Variants in CHLSN observed in about 807,000 individuals in gnomAD.
The protein encoded by CHLSN is protein cholesin.
the CHLSN span, among the ~76,000 whole-genome samples, chr7:1,038,411 A>G: frequency 6.4e-4 from 36 of 56,280 alleles, 1 homozygote; most frequent in East Asian, 1.4e-3. Flanking sequence ...CCGGCCAGCC[A>G]CCCCGTCCGG....
the CHLSN span, among the ~76,000 whole-genome samples, chr7:1,107,085 G>A: frequency 6.6e-6 from 1 of 152,218 alleles, no homozygotes; most frequent in Admixed American, 6.5e-5. Flanking sequence ...CGGGAAGGAA[G>A]GAAGCTCAAA....
chr7:999,790 C>T, the CHLSN span, among the ~76,000 whole-genome samples: 1 of 152,348 alleles, frequency 6.6e-6, no homozygotes, highest in South Asian at 2.1e-4. Context: ...AGGCAGGAGG[C>T]ACTGCCCACC....
the CHLSN span, among the ~76,000 whole-genome samples, chr7:1,104,519 G>A: frequency 6.6e-6 from 1 of 152,246 alleles, no homozygotes; most frequent in Non-Finnish European, 1.5e-5. Flanking sequence ...GCAGCTCCGG[G>A]CAAATCACAG....
the CHLSN span, among the ~76,000 whole-genome samples, chr7:979,342 A>G: frequency 4.5e-4 from 69 of 152,172 alleles, no homozygotes; most frequent in East Asian, 0.013. Context: ...GCGATCGTCA[A>G]AGTTTCGGTG....
chr7:1,065,639 G>A, the CHLSN span, among the ~76,000 whole-genome samples: 1 of 152,214 alleles, frequency 6.6e-6, no homozygotes, highest in African/African-American at 2.4e-5. Context: ...CAGCGGCGAC[G>A]AGGGCCGGGT....
At chr7:987,746 C>T in the CHLSN span, among the ~76,000 whole-genome samples, 1 of 152,206 alleles carries the variant, frequency 6.6e-6, no homozygotes, top group Non-Finnish European at 1.5e-5. Context: ...CTGGCGCCTC[C>T]CTGCATGTCC....
At chr7:987,913 TGGGGATCCCCTGTGTGTCCTGG>T in the CHLSN span, among the ~76,000 whole-genome samples, 2 of 138,998 alleles carry the variant, frequency 1.4e-5, no homozygotes, top group African/African-American at 6.3e-5. Flanking sequence ...CTGTGTGTCC[TGGGGATCCCCTGTGTGTCCTGG>T]GGGGGTCCCC....
the CHLSN span, among the ~76,000 whole-genome samples, chr7:1,109,640 G>C: frequency 2.6e-5 from 4 of 151,774 alleles, no homozygotes; most frequent in African/African-American, 9.7e-5. Context: ...CTGCGTGGGC[G>C]ACGGAGCCTT....
the CHLSN span, chr7:1,086,913 A>T: frequency 6.6e-6 from 1 of 152,322 alleles, no homozygotes; most frequent in Non-Finnish European, 1.5e-5. Context: ...AGATTCGCTG[A>T]AGTTCCCTTC....
chr7:1,058,728 G>A, the CHLSN span: 1 of 587,638 alleles, frequency 1.7e-6, no homozygotes, highest in South Asian at 2.2e-5. Flanking sequence ...TCTCCCCGAG[G>A]CCTGTGCGTC....
At chr7:1,136,990 C>G in the CHLSN span, among the ~76,000 whole-genome samples, 1 of 152,176 alleles carries the variant, frequency 6.6e-6, no homozygotes, top group Non-Finnish European at 1.5e-5. Context: ...CCACCTCTCA[C>G]GATGGCTTTT....
chr7:1,099,684 C>T, the CHLSN span, among the ~76,000 whole-genome samples: 6 of 152,232 alleles, frequency 3.9e-5, no homozygotes, highest in African/African-American at 7.2e-5. Flanking sequence ...ATGCCAGCTC[C>T]GCCTCCTGCA....
the CHLSN span, among the ~76,000 whole-genome samples, chr7:1,053,065 G>T: frequency 6.6e-6 from 1 of 152,226 alleles, no homozygotes; most frequent in Non-Finnish European, 1.5e-5. Context: ...CAGCGGGCCT[G>T]CCCAGTGGGG....
chr7:1,010,104 C>G, the CHLSN span: 15 of 1,612,760 alleles, frequency 9.3e-6, no homozygotes, highest in Non-Finnish European at 1.3e-5. Flanking sequence ...GGGGACAGCT[C>G]TGGCTCTGCG....
the CHLSN span, among the ~76,000 whole-genome samples, chr7:1,098,142 G>T: frequency 7.9e-5 from 12 of 152,216 alleles, no homozygotes; most frequent in Admixed American, 7.8e-4. Context: ...GCCCACACTG[G>T]AGTGTGCAGA....
the CHLSN span, among the ~76,000 whole-genome samples, chr7:1,023,570 T>G: frequency 6.8e-6 from 1 of 146,714 alleles, no homozygotes; most frequent in Non-Finnish European, 1.5e-5. This position sits in a 1 kb window ranked among gnomAD's most constrained non-coding sequence, Gnocchi z 5.0. Flanking sequence ...TTCCAACTCC[T>G]TCCCACTGGG....
the CHLSN span, among the ~76,000 whole-genome samples, chr7:1,061,066 C>T: frequency 1.3e-5 from 2 of 152,214 alleles, no homozygotes; most frequent in Admixed American, 1.3e-4. Context: ...GCGGACCCCA[C>T]ACACAGGTGA....
the CHLSN span, among the ~76,000 whole-genome samples, chr7:1,029,718 T>C: frequency 6.6e-6 from 1 of 152,110 alleles, no homozygotes; most frequent in African/African-American, 2.4e-5. Context: ...CGCGGGGCCC[T>C]GCTCTGGAGG....
the CHLSN span, among the ~76,000 whole-genome samples, chr7:1,064,514 C>T: frequency 3.3e-5 from 5 of 152,134 alleles, no homozygotes; most frequent in African/African-American, 4.8e-5. Context: ...CTTCCCACAG[C>T]GCCTAAACGC....
Sources: gnomAD v4.1 joint callset for allele counts (sites outside exome capture counted in the v4.1 genomes callset) on GRCh38, gnomAD v4.1.1 for gene constraint, Gnocchi (gnomAD v3.1) non-coding constraint, MANE v1.5 for transcripts, NCBI Gene and HGNC (gene_info 2026-07-23, HGNC 2026-07-21) for gene names.